The following OIT3 variants were observed in gnomAD, a reference collection of about 807,000 sequenced individuals.
OIT3 encodes the protein oncoprotein induced transcript 3.
OIT3 carries 41 observed loss-of-function variants against 52.2 expected under a neutral mutation model. The observed-to-expected ratio is 0.79, with a 90% CI of 0.61 to 1.02. OIT3 has a LOEUF of 1.02. Among genes scored for constraint, OIT3 ranks in the 50% least tolerant of loss-of-function variants. The pLI is 0.00. For synonymous variants in OIT3, 244 were observed against 276.9 expected, an observed-to-expected ratio of 0.88 and a Z score of 1.18; for missense variants, 634 against 715.5, an observed-to-expected ratio of 0.89 and a Z score of 1.30.
chr10:72,901,808 A>G (rs1321491593), intron 3 of OIT3, among the ~76,000 whole-genome samples: 2 of 152,150 alleles, frequency 1.3e-5, no homozygotes, highest in Non-Finnish European at 2.9e-5. Context: ...CTTTGAGAGG[A>G]CGAAGCAAGA....
rs567558929 is a variant in OIT3 at position 72,904,348 on chromosome 10, C to T, written c.545-2248C>T. Among the ~76,000 whole-genome samples, 12 of 152,192 alleles carry T rather than the reference C, an allele frequency of 7.9e-5. No individual in the cohort carries two copies. In the East Asian group the frequency reaches 1.2e-3, roughly 15 times the overall value. ...CTCGCTGTCTGAGGGGTTTTGTCTG[C>T]GGCTTGTCCTGCTACAGTCCAAGAT... On this transcript the variant is annotated intron_variant, in intron 3 of 8. Coordinates refer to ENST00000334011, the MANE Select transcript of OIT3 (RefSeq NM_152635.3).
At chr10:72,929,361 A>G (rs928687366) in intron 7 of OIT3, among the ~76,000 whole-genome samples, 4 of 134,336 alleles carry the variant, frequency 3.0e-5, no homozygotes, top group Admixed American at 7.1e-5. Context: ...CTATGTCCAG[A>G]AAAAAAAAAA....
At chr10:72,918,207 T>C (rs1179234832) in intron 6 of OIT3, 3 of 919,386 alleles carry the variant, frequency 3.3e-6, no homozygotes, top group East Asian at 2.4e-5. Context: ...TCCACTAATA[T>C]GCACTGTCCC....
chr10:72,918,360 A>G (rs867320515), intron 6 of OIT3: 1 of 768,754 alleles, frequency 1.3e-6, no homozygotes, highest in Non-Finnish European at 2.4e-6. Context: ...TGCTTCAACA[A>G]TGTGCAATTC....
At chr10:72,899,699 TAGATGATAGATAGATA>T (rs1464455358) in intron 2 of OIT3, among the ~76,000 whole-genome samples, 241 of 136,900 alleles carry the variant, frequency 1.8e-3, no homozygotes, top group African/African-American at 6.5e-3. Context: ...TTAAGATAGA[TAGATGATAGATAGATA>T]GATAGATAGA....
intron 3 of OIT3, among the ~76,000 whole-genome samples, chr10:72,901,066 T>C (rs971522078): frequency 2.0e-5 from 3 of 152,088 alleles, no homozygotes; most frequent in African/African-American, 7.2e-5. Flanking sequence ...AGACTCTGTT[T>C]CTAAAAATAA....
chr10:72,914,028 G>A (rs1334188423), intron 6 of OIT3, among the ~76,000 whole-genome samples: 1 of 152,242 alleles, frequency 6.6e-6, no homozygotes, highest in African/African-American at 2.4e-5. Flanking sequence ...TCCTGTAGGA[G>A]TCCAGTCAAG....
At chr10:72,900,329 G>A (rs1326498279) in intron 2 of OIT3, 48 bp from the exon 3 acceptor site, 1 of 928,454 alleles carries the variant, frequency 1.1e-6, no homozygotes, top group South Asian at 1.4e-5. Context: ...ATGAAAGAGT[G>A]TCTTCTGGTC....
At chr10:72,909,811 G>A (rs1168054397) in intron 4 of OIT3, among the ~76,000 whole-genome samples, 1 of 151,884 alleles carries the variant, frequency 6.6e-6, no homozygotes, top group Non-Finnish European at 1.5e-5. Flanking sequence ...TGTTAGCCAG[G>A]ATGGTCTCGA....
chr10:72,902,332 T>C (rs1382047312), intron 3 of OIT3, among the ~76,000 whole-genome samples: 2 of 152,156 alleles, frequency 1.3e-5, no homozygotes, highest in Non-Finnish European at 2.9e-5. Flanking sequence ...ATATAACTTT[T>C]GAAGAGGTAA....
At chr10:72,930,675 G>A (rs1346490091) in intron 8 of OIT3, 38 bp downstream of exon 8, 2 of 1,014,836 alleles carry the variant, frequency 2.0e-6, no homozygotes, top group Non-Finnish European at 1.5e-6. Context: ...CCCTGAACCT[G>A]AGCCTTTTTT....
chr10:72,907,079 C>A (rs2132932092), intron 4 of OIT3, among the ~76,000 whole-genome samples: 1 of 151,976 alleles, frequency 6.6e-6, no homozygotes, highest in South Asian at 2.1e-4. Flanking sequence ...CCAGCCTGGG[C>A]AACATAGTAA....
chr10:72,932,604 C>G lies in OIT3; in HGVS notation c.*80C>G. The G allele has an allele frequency of 1.5e-6, 2 of 1,292,772 alleles. No individual in the cohort carries two copies. The highest frequency in any genetic ancestry group is 2.1e-6 in the Non-Finnish European group (2 of 941,072). 80.1% of individuals were successfully genotyped at this position (1,292,772 alleles called of 1,614,324 possible). ...TCCCCCCACCGCCCTCTAAGAACAT[C>G]TGCCAACAGCTGGGTTCAGACTTCA... is the stretch of plus-strand genomic sequence containing the variant. On this transcript the variant is annotated 3_prime_UTR_variant, in exon 9 of 9. Coordinates refer to ENST00000334011, the MANE Select transcript of OIT3 (RefSeq NM_152635.3).
At chr10:72,907,723 A>G (rs1328678466) in intron 4 of OIT3, among the ~76,000 whole-genome samples, 1 of 152,154 alleles carries the variant, frequency 6.6e-6, no homozygotes, top group Non-Finnish European at 1.5e-5. Context: ...TGGGAGAGGA[A>G]TACAGTTTGG....
rs762511993 is a variant in OIT3, at chr10:72,924,322, A to C, written c.1045A>C (p.Lys349Gln). 1 of 1,614,144 alleles carries C rather than the reference A, an allele frequency of 6.2e-7. No homozygotes were observed. The highest frequency in any genetic ancestry group is 1.1e-5 in the South Asian group (1 of 91,074). The change falls in exon 7 of 9, where the codon AAG becomes CAG. Residue 349 changes from lysine (K) to glutamine (Q), a missense_variant. Coordinates refer to ENST00000334011, the MANE Select transcript of OIT3 (RefSeq NM_152635.3). ...CGGGGACTTCATCATCCGAACCAGC[A>C]AGCTGCTGATCCCGGTGACCTGCGA... Reference protein sequence around the residue: ...SSGDFIIRTSKLLIPVTCEFP... With the variant: ...SSGDFIIRTSQLLIPVTCEFP...
intron 3 of OIT3, among the ~76,000 whole-genome samples, chr10:72,904,539 C>A (rs879885520): frequency 4.7e-4 from 71 of 152,296 alleles, no homozygotes; most frequent in African/African-American, 1.7e-3. Flanking sequence ...ATATTATCAA[C>A]ATTTTGCATT....
At position 72,913,428 on chromosome 10, in the gene OIT3, A is replaced by C; in HGVS notation, c.911A>C (p.Asn304Thr). ...CRGVSNGTHVNILFSLKTCGT... is the reference protein window; with the variant it reads ...CRGVSNGTHVTILFSLKTCGT... ...GGAGTGTCCAACGGCACCCATGTCA[A>C]CATCCTCTTCTCTCTCAAGACATGT... The change falls in exon 6 of 9, where the codon AAC becomes ACC. Residue 304 changes from asparagine to threonine, a missense_variant. By Grantham distance (65) the Asn-to-Thr change is moderately conservative (BLOSUM62 0). Coordinates refer to ENST00000334011, the MANE Select transcript of OIT3 (RefSeq NM_152635.3). 6.2e-7 allele frequency: 1 copy of C among 1,613,136 alleles called. No homozygotes were observed. The highest frequency in any genetic ancestry group is 8.5e-7 in the Non-Finnish European group (1 of 1,179,260).
chr10:72,908,307 T>G (rs1845998376), intron 4 of OIT3, among the ~76,000 whole-genome samples: 1 of 152,126 alleles, frequency 6.6e-6, no homozygotes, highest in Non-Finnish European at 1.5e-5. Context: ...GCAGATTATA[T>G]GGAGAGATAA....
At chr10:72,929,546 G>A (rs1168453973) in intron 7 of OIT3, among the ~76,000 whole-genome samples, 1 of 151,470 alleles carries the variant, frequency 6.6e-6, no homozygotes, top group Non-Finnish European at 1.5e-5. Context: ...GAGTAGCTGG[G>A]ATTACAGAGG....
Sources: allele counts gnomAD v4.1 joint callset (sites outside exome capture counted in the v4.1 genomes callset), GRCh38; gene constraint gnomAD v4.1.1; transcripts MANE v1.5; gene names NCBI Gene and HGNC (gene_info 2026-07-23, HGNC 2026-07-21).